ANKFY1: variants seen among roughly 807,000 people sequenced by gnomAD.
The protein encoded by ANKFY1 is ankyrin repeat and FYVE domain-containing protein 1.
In ANKFY1, 47 loss-of-function variants were observed where a neutral mutation model predicts 128.3. The ratio of observed to expected loss-of-function variants is 0.37; its 90% CI spans 0.29 to 0.47. The LOEUF is 0.47. Among genes scored for constraint, ANKFY1 ranks in the 20% least tolerant of loss-of-function variants. The pLI is 1.00. For missense variants in ANKFY1, 1,222 were observed against 1,510.6 expected (o/e 0.81, Z 3.17); for synonymous variants, 553 against 601.6 (o/e 0.92, Z 1.18).
At chr17:4,228,054 A>G (rs1481974637) in intron 3 of ANKFY1, among the ~76,000 whole-genome samples, 2 of 152,198 alleles carry the variant, frequency 1.3e-5, no homozygotes, top group Non-Finnish European at 2.9e-5. Flanking sequence ...AATACAGGTA[A>G]TTTTCTTGCT....
At chr17:4,224,249 G>T (rs2060382390) in intron 3 of ANKFY1, among the ~76,000 whole-genome samples, 1 of 117,124 alleles carries the variant, frequency 8.5e-6, no homozygotes, top group Non-Finnish European at 1.7e-5. Flanking sequence ...TTTTGAGACG[G>T]AGTCTCGCTG....
At chr17:4,245,185 CTTTTCT>C (rs1046101724) in intron 1 of ANKFY1, among the ~76,000 whole-genome samples, 2 of 152,134 alleles carry the variant, frequency 1.3e-5, no homozygotes, top group African/African-American at 2.4e-5. Context: ...CTTTCCCAAT[CTTTTCT>C]TTTTCTTTTT....
intron 11 of ANKFY1, 33 bp from the exon 12 acceptor site, chr17:4,185,079 C>A: frequency 1.9e-6 from 3 of 1,584,882 alleles, no homozygotes; most frequent in Non-Finnish European, 2.6e-6. Context: ...AATCTGAGCA[C>A]TCACAGGAAT....
At chr17:4,249,765 C>G (rs1967734304) in intron 1 of ANKFY1, among the ~76,000 whole-genome samples, 1 of 152,168 alleles carries the variant, frequency 6.6e-6, no homozygotes, top group Non-Finnish European at 1.5e-5. Flanking sequence ...CACCCCTAGA[C>G]AAACATCTCT....
At position 4,203,843 on chromosome 17, in the gene ANKFY1, AAG is replaced by A. The variant is rs1462158573; in HGVS notation, c.898+2476_898+2477del. On this transcript the variant is annotated intron_variant, in intron 7 of 24. Coordinates refer to ENST00000341657, the MANE Select transcript of ANKFY1 (RefSeq NM_001330063.2). ...CAACAACAACAAAAAAAAAAAAAAA[AAG>A]AAAGAAAGAAAGAAAAAAGAAACCC... Among the ~76,000 whole-genome samples the A allele has an allele frequency of 6.5e-3, 874 of 134,106 alleles. 6 individuals carry two copies. Among genetic ancestry groups the A allele is most frequent in the African/African-American group, 0.018 (666 of 36,458 alleles). 88.0% of individuals were successfully genotyped at this position (134,106 alleles called of 152,430 possible).
chr17:4,189,591 G>T, intron 10 of ANKFY1, 112 bp from the exon 11 acceptor site: 1 of 929,204 alleles, frequency 1.1e-6, no homozygotes, highest in Non-Finnish European at 1.6e-6. Flanking sequence ...ACGCCAGACA[G>T]TAGGCCCACA....
chr17:4,246,532 A>G lies in ANKFY1; in HGVS notation c.11-4084T>C, dbSNP rs556397186. 1.8e-4 allele frequency among the ~76,000 whole-genome samples: 28 copies of G among 152,294 alleles called. No homozygotes were observed. In the South Asian group the frequency reaches 5.8e-3, roughly 32 times the overall value. On this transcript the variant is annotated intron_variant, in intron 1 of 24. Transcript: ENST00000341657. ...GCTATAGTATATACCACATCTTGCT[A>G]GTTCAACCTGGTGGCTACAAAATTA...
intron 3 of ANKFY1, among the ~76,000 whole-genome samples, chr17:4,233,638 TACA>T (rs1472760616): frequency 6.6e-6 from 1 of 152,354 alleles, no homozygotes; most frequent in East Asian, 1.9e-4. Flanking sequence ...ACTTAGCCTT[TACA>T]ACACTACTCA....
At chr17:4,198,355 T>C (rs1409350957) in intron 7 of ANKFY1, among the ~76,000 whole-genome samples, 1 of 151,826 alleles carries the variant, frequency 6.6e-6, no homozygotes, top group Non-Finnish European at 1.5e-5. Flanking sequence ...TTTATTATTA[T>C]AAAATTTATT....
chr17:4,262,389 G>A (rs553969498), intron 1 of ANKFY1, among the ~76,000 whole-genome samples: 1 of 152,236 alleles, frequency 6.6e-6, no homozygotes, highest in South Asian at 2.1e-4. Flanking sequence ...ATCCTCCCGA[G>A]TACCTGGAAT....
chr17:4,201,437 G>A (rs986492330), intron 7 of ANKFY1, among the ~76,000 whole-genome samples: 13 of 151,532 alleles, frequency 8.6e-5, no homozygotes, highest in African/African-American at 2.9e-4. Context: ...AGAGGCCTCA[G>A]ATGCTGACTC....
At chr17:4,247,240 C>A (rs1228405138) in intron 1 of ANKFY1, among the ~76,000 whole-genome samples, 1 of 152,206 alleles carries the variant, frequency 6.6e-6, no homozygotes, top group Non-Finnish European at 1.5e-5. Flanking sequence ...CCCCTCTCTG[C>A]TCTCTAGGAA....
At chr17:4,261,267 T>A (rs1178023333) in intron 1 of ANKFY1, among the ~76,000 whole-genome samples, 2 of 152,190 alleles carry the variant, frequency 1.3e-5, no homozygotes, top group Non-Finnish European at 2.9e-5. Context: ...GGCCGGCAGA[T>A]CAGCTGAGGT....
chr17:4,253,761 C>T (rs545878239), intron 1 of ANKFY1, among the ~76,000 whole-genome samples: 1 of 152,252 alleles, frequency 6.6e-6, no homozygotes, highest in African/African-American at 2.4e-5. Context: ...TATCTTGAAC[C>T]ATGTGGCATG....
chr17:4,206,717 C>T (rs1333484958), intron 6 of ANKFY1, among the ~76,000 whole-genome samples: 1 of 152,192 alleles, frequency 6.6e-6, no homozygotes, highest in Non-Finnish European at 1.5e-5. Context: ...CCAACATAAA[C>T]AATGTGGGAG....
intron 3 of ANKFY1, among the ~76,000 whole-genome samples, chr17:4,226,453 A>G (rs925276555): frequency 2.6e-5 from 4 of 152,252 alleles, no homozygotes; most frequent in Non-Finnish European, 5.9e-5. Context: ...AAGGAAATTC[A>G]AAGCTTTAAA....
chr17:4,200,062 G>GA (rs2059900404), intron 7 of ANKFY1, among the ~76,000 whole-genome samples: 1 of 108,696 alleles, frequency 9.2e-6, no homozygotes, highest in South Asian at 3.9e-4. Flanking sequence ...GGGTTTTGGG[G>GA]ATTTTTTTTT....
At chr17:4,183,005 C>G (rs1384557904) in intron 14 of ANKFY1, among the ~76,000 whole-genome samples, 1 of 152,068 alleles carries the variant, frequency 6.6e-6, no homozygotes. Flanking sequence ...ACTTGGGAGG[C>G]TGAGGCACGA....
chr17:4,234,714 C>G (rs1384383636), intron 3 of ANKFY1, among the ~76,000 whole-genome samples: 1 of 152,116 alleles, frequency 6.6e-6, no homozygotes, highest in African/African-American at 2.4e-5. Context: ...ACAGGGTCTT[C>G]CCAGGCTAGT....
Sources: gnomAD v4.1 joint callset for allele counts (sites outside exome capture counted in the v4.1 genomes callset) on GRCh38, gnomAD v4.1.1 for gene constraint, MANE v1.5 for transcripts, NCBI Gene and HGNC (gene_info 2026-07-23, HGNC 2026-07-21) for gene names.